Variants in FOXK1 observed in about 807,000 individuals in gnomAD.
The protein encoded by FOXK1 is forkhead box K1.
Under a neutral mutation model 51.9 loss-of-function variants are expected in FOXK1, and 19 were observed. The ratio of observed to expected loss-of-function variants is 0.37; its 90% CI spans 0.26 to 0.54. The LOEUF (loss-of-function observed/expected upper bound fraction) is 0.54. Ranked by LOEUF, FOXK1 falls within the 20% of genes least tolerant of loss-of-function variation. The probability of loss-of-function intolerance (pLI) is 0.87; values close to 1 mark genes in which losing one functional copy is unlikely to be tolerated. For synonymous variants in FOXK1, 537 were observed against 482.6 expected, an observed-to-expected ratio of 1.11 and a Z score of -1.48; for missense variants, 870 against 1,032.7, an observed-to-expected ratio of 0.84 and a Z score of 2.16.
At chr7:4,721,574 C>CTTTTTCTTT (rs1310278757) in intron 1 of FOXK1, among the ~76,000 whole-genome samples, 1 of 144,172 alleles carries the variant, frequency 6.9e-6, no homozygotes, top group East Asian at 2.0e-4. Flanking sequence ...TTTCTCTTTT[C>CTTTTTCTTT]TTTTTCTTTT....
At chr7:4,705,297 C>G (rs1330181607) in intron 1 of FOXK1, among the ~76,000 whole-genome samples, 1 of 152,096 alleles carries the variant, frequency 6.6e-6, no homozygotes, top group African/African-American at 2.4e-5. Context: ...AAGCCATCTT[C>G]CCACCTCAGC....
At chr7:4,712,901 G>A (rs1780192424) in intron 1 of FOXK1, among the ~76,000 whole-genome samples, 1 of 152,172 alleles carries the variant, frequency 6.6e-6, no homozygotes, top group Non-Finnish European at 1.5e-5. Context: ...GTTGACAAGA[G>A]GTGACATTTA....
rs1365098375 is a variant in FOXK1 at position 4,735,701 on chromosome 7, A to G, written c.561-5137A>G. ...ACCTTAGCGGAATCTCCGCCGGTCA[A>G]GACCGGCAGTGTGTGTGGCTGGGTT... On this transcript the variant is annotated intron_variant, in intron 1 of 8. Coordinates refer to ENST00000328914, the MANE Select transcript of FOXK1 (RefSeq NM_001037165.2). This position sits in a 1 kb window ranked among gnomAD's most constrained non-coding sequence, Gnocchi z 4.7. Among the ~76,000 whole-genome samples, 4 of 152,224 alleles carry G rather than the reference A, an allele frequency of 2.6e-5. No homozygotes were observed. Among genetic ancestry groups the G allele is most frequent in the Non-Finnish European group, 5.9e-5 (4 of 68,048 alleles).
chr7:4,734,708 G>T lies in FOXK1; in HGVS notation c.561-6130G>T, dbSNP rs561335400. Among the ~76,000 whole-genome samples the T allele has an allele frequency of 5.3e-5, 8 of 152,126 alleles. No homozygotes were observed. The highest frequency in any genetic ancestry group is 7.4e-5 in the Non-Finnish European group (5 of 68,022). ...AGCTGGGCTCAGCTCTGGAAGCTTG[G>T]GGGGCTGAGAGCCTCTGGTCCTCCT... On this transcript the variant is annotated intron_variant, in intron 1 of 8. Transcript: ENST00000328914. The surrounding 1 kb of genome is among the most constrained non-coding windows in gnomAD (Gnocchi z 5.2).
At chr7:4,700,600 G>A (rs1406868341) in intron 1 of FOXK1, among the ~76,000 whole-genome samples, 2 of 152,138 alleles carry the variant, frequency 1.3e-5, no homozygotes, top group East Asian at 3.9e-4. Context: ...AGGATCGCTT[G>A]AAGCCAGGTG....
At position 4,760,998 on chromosome 7, in the gene FOXK1, C is replaced by T. The variant is rs1780924056; in HGVS notation, c.1697-66C>T. Reference sequence around the variant, plus strand: ...TTCCCCACTTGTCCGACCTGCTGCCCAGGCGTCGAGGAAATCGATTGTCTC... The same window carrying T: ...TTCCCCACTTGTCCGACCTGCTGCCTAGGCGTCGAGGAAATCGATTGTCTC... On this transcript the variant is annotated intron_variant, in intron 7 of 8. Transcript: ENST00000328914. 3.8e-5 allele frequency: 56 copies of T among 1,488,716 alleles called. 1 individual carries two copies. The South Asian group carries it at 5.9e-4, about 16-fold the overall frequency. The allele number at this position is 1,488,716 out of a possible 1,614,324, so 92.2% of individuals were successfully genotyped here.
At position 4,748,626 on chromosome 7, in the gene FOXK1, G is replaced by A. The variant is rs575607782; in HGVS notation, c.747-5833G>A. ...GAGAGGGCTGTTTCCTGATTCCCAC[G>A]TCTTCCTCTTTCCTGATTTGTTCCT... On this transcript the variant is annotated intron_variant, in intron 2 of 8. Coordinates refer to ENST00000328914, the MANE Select transcript of FOXK1 (RefSeq NM_001037165.2). The surrounding 1 kb of genome is among the most constrained non-coding windows in gnomAD (Gnocchi z 4.9). Among the ~76,000 whole-genome samples, 81 of 152,236 alleles carry A rather than the reference G, an allele frequency of 5.3e-4. 1 individual carries two copies. Among genetic ancestry groups the A allele is most frequent in the African/African-American group, 1.3e-3 (55 of 41,538 alleles).
chr7:4,711,464 T>C lies in FOXK1; in HGVS notation c.560+28596T>C, dbSNP rs1780173131. ...GAGAGATCTGGAGTTAAGGAAGATG[T>C]GACTTTCTCAGTGGCCCTCAGACGT... On this transcript the variant is annotated intron_variant, in intron 1 of 8. Transcript: ENST00000328914. The surrounding 1 kb of genome is among the most constrained non-coding windows in gnomAD (Gnocchi z 6.3). 6.6e-6 allele frequency among the ~76,000 whole-genome samples: 1 copy of C among 151,882 alleles called. No homozygotes were observed.
rs1744135618 is a variant in FOXK1 at position 4,733,100 on chromosome 7, C to G, written c.561-7738C>G. The stretch of plus-strand genomic sequence containing the variant: ...TTTTCACCCTCTTCCTGGATTCTTT[C>G]AGTTAGGACGTAGTTTTGATTTTGC... On this transcript the variant is annotated intron_variant, in intron 1 of 8. Coordinates refer to ENST00000328914, the MANE Select transcript of FOXK1 (RefSeq NM_001037165.2). This position sits in a 1 kb window ranked among gnomAD's most constrained non-coding sequence, Gnocchi z 5.0. 6.6e-6 allele frequency among the ~76,000 whole-genome samples: 1 copy of G among 152,130 alleles called. No homozygotes were observed. The highest frequency in any genetic ancestry group is 2.1e-4 in the South Asian group (1 of 4,824).
At chr7:4,686,786 C>T (rs1329829527) in intron 1 of FOXK1, among the ~76,000 whole-genome samples, 2 of 149,666 alleles carry the variant, frequency 1.3e-5, no homozygotes, top group African/African-American at 2.5e-5. Flanking sequence ...ACGGCGTCAT[C>T]GATTTAGTCT....
chr7:4,726,846 G>A (rs1780387400), intron 1 of FOXK1, among the ~76,000 whole-genome samples: 1 of 152,210 alleles, frequency 6.6e-6, no homozygotes, highest in African/African-American at 2.4e-5. Context: ...AGAGTGTTCA[G>A]AGAAGTGGGA....
chr7:4,727,869 G>A (rs112758157), intron 1 of FOXK1, among the ~76,000 whole-genome samples: 630 of 152,354 alleles, frequency 4.1e-3, no homozygotes, highest in African/African-American at 0.014. Context: ...GGGACTGTCC[G>A]TGGTCTTCAC....
chr7:4,702,668 C>G (rs769972728), intron 1 of FOXK1, among the ~76,000 whole-genome samples: 2 of 152,170 alleles, frequency 1.3e-5, no homozygotes, highest in East Asian at 3.8e-4. Flanking sequence ...TTAGTTCACG[C>G]GAGTTTTCAG....
chr7:4,715,231 G>A lies in FOXK1; in HGVS notation c.561-25607G>A, dbSNP rs1205282514. Among the ~76,000 whole-genome samples, 8 of 152,260 alleles carry A rather than the reference G, an allele frequency of 5.3e-5. No individual in the cohort carries two copies. The South Asian group carries it at 1.0e-3, about 20-fold the overall frequency. On this transcript the variant is annotated intron_variant, in intron 1 of 8. Transcript: ENST00000328914. The surrounding 1 kb of genome is among the most constrained non-coding windows in gnomAD (Gnocchi z 4.5). ...GGCACGGTGGAACTGTGATGATATCGGGCATGGCGAAATTGTGATACGGTG... is the reference window on the plus strand; with the variant it reads ...GGCACGGTGGAACTGTGATGATATCAGGCATGGCGAAATTGTGATACGGTG...
At chr7:4,751,803 G>T (rs1003198856) in intron 2 of FOXK1, among the ~76,000 whole-genome samples, 16 of 152,238 alleles carry the variant, frequency 1.1e-4, no homozygotes, top group African/African-American at 3.6e-4. Context: ...GGATCCGGCA[G>T]CCCAGGCCAG....
At chr7:4,686,406 A>T (rs957836517) in intron 1 of FOXK1, among the ~76,000 whole-genome samples, 1 of 152,184 alleles carries the variant, frequency 6.6e-6, no homozygotes, top group East Asian at 1.9e-4. Context: ...CGTAATTCCA[A>T]ATCTTCAATA....
chr7:4,760,948 A>AT, intron 7 of FOXK1, 116 bp from the exon 8 acceptor site: 1 of 924,362 alleles, frequency 1.1e-6, no homozygotes, highest in South Asian at 1.5e-5. Context: ...TAGCAAACCT[A>AT]TTTTTTCCCA....
In FOXK1 at chr7:4,759,348, G is replaced by A. The variant is rs550442414; in HGVS notation, c.1449G>A (p.Val483=). ...PVSAQPVIMA[V]PPRPSSLVAK... is the part of the protein sequence containing the mutation. ...GCGCCCAGCCAGTGATCATGGCCGT[G>A]CCTCCCCGACCGTCCAGCCTCGTGG... Residue 483 remains valine, a synonymous_variant, in exon 7 of 9, where the codon GTG becomes GTA. Transcript: ENST00000328914. 7.5e-5 allele frequency: 120 copies of A among 1,601,814 alleles called. 2 individuals are homozygous for A. In the South Asian group the frequency reaches 1.3e-3, roughly 17 times the overall value.
At chr7:4,712,353 C>T (rs934294823) in intron 1 of FOXK1, among the ~76,000 whole-genome samples, 20 of 152,104 alleles carry the variant, frequency 1.3e-4, no homozygotes, top group African/African-American at 4.3e-4. Flanking sequence ...TATTGATTGC[C>T]GGTGGTCTTG....
Sources: gnomAD v4.1 joint callset for allele counts (sites outside exome capture counted in the v4.1 genomes callset) on GRCh38, gnomAD v4.1.1 for gene constraint, Gnocchi (gnomAD v3.1) non-coding constraint, MANE v1.5 for transcripts, NCBI Gene and HGNC (gene_info 2026-07-23, HGNC 2026-07-21) for gene names.